DNASE1L2: variants seen among roughly 807,000 people sequenced by gnomAD.
DNASE1L2 encodes the protein deoxyribonuclease 1 like 2.
Under a neutral mutation model 31.8 loss-of-function variants are expected in DNASE1L2, and 35 were observed. The observed-to-expected ratio is 1.10, with a 90% CI of 0.84 to 1.46. The LOEUF is 1.46. DNASE1L2 is among the 40% of genes most tolerant of loss of function. The pLI is 0.00. For synonymous variants in DNASE1L2, 211 were observed against 186.5 expected (o/e 1.13, Z -1.07); for missense variants, 504 against 418.8 (o/e 1.20, Z -1.77).
At chr16:2,236,984 C>A (rs761800411) in intron 2 of DNASE1L2, 24 bp downstream of exon 2, 2 of 1,547,396 alleles carry the variant, frequency 1.3e-6, no homozygotes, top group Admixed American at 2.0e-5. Flanking sequence ...CGGGGCGGGG[C>A]GGCGTTTAGG....
chr16:2,238,230 C>T (rs2093518861), intron 6 of DNASE1L2, 132 bp from the exon 7 acceptor site: 1 of 1,437,734 alleles, frequency 7.0e-7, no homozygotes, highest in East Asian at 2.3e-5. Context: ...CCAGTGGTGA[C>T]ACCCTCTGCC....
chr16:2,237,375 G>C lies in DNASE1L2; in HGVS notation c.318-1G>C. 1 of 1,602,844 alleles carries C rather than the reference G, an allele frequency of 6.2e-7. No homozygotes were observed. The highest frequency in any genetic ancestry group is 8.5e-7 in the Non-Finnish European group (1 of 1,176,726). ...CTCAGCGGGTCCTCCCCATCTCCTA[G>C]GAAAGACGCGGTGTCGGTCGTGGAC... On this transcript the variant is annotated splice_acceptor_variant, in intron 4 of 6. Transcript: ENST00000320700. LOFTEE classifies it high-confidence loss of function.
rs113649928 is a variant in DNASE1L2 at position 2,236,518 on chromosome 16, C to T, written c.-82C>T. Reference sequence around the variant, plus strand: ...CAGCCTGGACCCGGGATCCCCATCCCCCTAGGATCTCTGAGCCTCGGGCCT... The same window carrying T: ...CAGCCTGGACCCGGGATCCCCATCCTCCTAGGATCTCTGAGCCTCGGGCCT... On this transcript the variant is annotated 5_prime_UTR_variant, in exon 1 of 7. Transcript: ENST00000320700. The T allele has an allele frequency of 3.3e-5, 40 of 1,205,596 alleles. No homozygotes were observed. In the African/African-American group the frequency reaches 5.0e-4, roughly 15 times the overall value. 74.7% of individuals were successfully genotyped at this position (1,205,596 alleles called of 1,614,324 possible).
chr16:2,238,329 A>G (rs749252182), intron 6 of DNASE1L2, 33 bp from the exon 7 acceptor site: 1 of 1,612,640 alleles, frequency 6.2e-7, no homozygotes, highest in Non-Finnish European at 8.5e-7. Flanking sequence ...GGTGGGGTGC[A>G]CTTTTCCCCT....
At chr16:2,236,749 T>A (rs867027358) in intron 1 of DNASE1L2, 29 bp from the exon 2 acceptor site, 8 of 1,483,894 alleles carry the variant, frequency 5.4e-6, no homozygotes, top group Middle Eastern at 2.5e-4. Flanking sequence ...AAGGGGTGGG[T>A]CGGTGGGTCT....
chr16:2,237,252 C>G lies in DNASE1L2; in HGVS notation c.268C>G (p.Gln90Glu), dbSNP rs2141486223. ...SEHEYSFVSS[Q>E]PLGRDQYKEM... ...GCACGAGTACAGCTTTGTGAGCAGCCAGCCCCTGGGCCGGGACCAGTACAA... is the reference window on the plus strand; with the variant it reads ...GCACGAGTACAGCTTTGTGAGCAGCGAGCCCCTGGGCCGGGACCAGTACAA... Residue 90 changes from glutamine (Q) to glutamate (E), a missense_variant, in exon 4 of 7, where the codon CAG (glutamine) becomes GAG (glutamate). By Grantham distance (29) the Gln-to-Glu change is conservative. Coordinates refer to ENST00000320700, the MANE Select transcript of DNASE1L2 (RefSeq NM_001374.3). 6.3e-7 allele frequency: 1 copy of G among 1,586,588 alleles called. No homozygotes were observed. The highest frequency in any genetic ancestry group is 2.3e-5 in the East Asian group (1 of 43,778).
Position 2,237,969 on chromosome 16 carries a change from C to A in DNASE1L2, c.794C>A (p.Ser265Ter). The change falls in exon 6 of 7, where the codon TCG becomes TAG. Residue 265 changes from serine (S) to a stop codon, truncating the protein, a stop_gained. Coordinates refer to ENST00000320700, the MANE Select transcript of DNASE1L2 (RefSeq NM_001374.3). LOFTEE classifies it high-confidence loss of function. Reference sequence around the variant, plus strand: ...CTGCGCCGGAGCCTGAAGCCCCAGTCGGCCACCGTGCACGACTTCCAGGAG... The same window carrying A: ...CTGCGCCGGAGCCTGAAGCCCCAGTAGGCCACCGTGCACGACTTCCAGGAG... ...ARLRRSLKPQ[S>*]ATVHDFQEEF... 6.2e-7 allele frequency: 1 copy of A among 1,608,816 alleles called. No individual in the cohort carries two copies. The highest frequency in any genetic ancestry group is 1.1e-5 in the South Asian group (1 of 90,500).
chr16:2,236,756 G>C, intron 1 of DNASE1L2, 22 bp from the exon 2 acceptor site: 1 of 1,504,252 alleles, frequency 6.6e-7, no homozygotes, highest in Non-Finnish European at 8.8e-7. Flanking sequence ...GGGTCGGTGG[G>C]TCTGACAGCG....
rs1275387330 is a variant in DNASE1L2, at chr16:2,237,660, C to T, written c.591+11C>T. 6.3e-7 allele frequency: 1 copy of T among 1,592,970 alleles called. No individual in the cohort carries two copies. Among genetic ancestry groups the T allele is most frequent in the Non-Finnish European group, 8.6e-7 (1 of 1,166,860 alleles). On this transcript the variant is annotated intron_variant, in intron 5 of 6. Transcript: ENST00000320700. ...AAGTGGGGCACCGACGTAAGCCCAC[C>T]CCTCGGTCCCGGGGTCCCTGCAGGC...
At position 2,236,955 on chromosome 16, in the gene DNASE1L2, G is replaced by T. The variant is rs1309455051; in HGVS notation, c.139G>T (p.Ala47Ser). ...VSDPACGSII[A>S]KILAGYDLAL... The stretch of plus-strand genomic sequence containing the variant: ...GGACCCCGCTTGCGGCAGCATCATC[G>T]CGAAGGTGGGGCCCGGGCCGGGGCG... The change falls in exon 2 of 7, where the codon GCG becomes TCG. Residue 47 changes from alanine (A) to serine (S), a missense_variant. Physicochemically the swap from Ala to Ser is moderately conservative, Grantham distance 99. Coordinates refer to ENST00000320700, the MANE Select transcript of DNASE1L2 (RefSeq NM_001374.3). 2 of 1,561,294 alleles carry T rather than the reference G, an allele frequency of 1.3e-6. No homozygotes were observed. Among genetic ancestry groups the T allele is most frequent in the African/African-American group, 2.7e-5 (2 of 73,964 alleles).
In DNASE1L2 at chr16:2,236,569, C is replaced by T. The variant is rs935862691; in HGVS notation, c.-40+9C>T. On this transcript the variant is annotated intron_variant, in intron 1 of 6. Coordinates refer to ENST00000320700, the MANE Select transcript of DNASE1L2 (RefSeq NM_001374.3). ...CTGCACCCACATCCAAGGTGAGTCT[C>T]TCGGCTGCCCTGAGCTGGGGCTGGA... 44 of 1,282,932 alleles carry T rather than the reference C, an allele frequency of 3.4e-5. No individual in the cohort carries two copies. The highest frequency in any genetic ancestry group is 1.5e-4 in the Admixed American group (4 of 25,950). 79.5% of individuals were successfully genotyped at this position (1,282,932 alleles called of 1,614,324 possible).
chr16:2,236,828 C>A lies in DNASE1L2; in HGVS notation c.12C>A (p.Pro4=). Residue 4 remains proline, a synonymous_variant, in exon 2 of 7, where the codon CCC becomes CCA. Coordinates refer to ENST00000320700, the MANE Select transcript of DNASE1L2 (RefSeq NM_001374.3). MGG[P]RALLAALWAL... is the part of the protein sequence containing the mutation. ...TCTCGCTCCGCGCCATGGGCGGGCC[C>A]CGGGCTCTGCTGGCCGCACTCTGGG... 6.3e-7 allele frequency: 1 copy of A among 1,597,730 alleles called. No individual in the cohort carries two copies. Among genetic ancestry groups the A allele is most frequent in the Non-Finnish European group, 8.5e-7 (1 of 1,174,612 alleles).
At position 2,238,385 on chromosome 16, in the gene DNASE1L2, T is replaced by C; in HGVS notation, c.867T>C (p.Phe289=). 1 of 1,613,496 alleles carries C rather than the reference T, an allele frequency of 6.2e-7. No individual in the cohort carries two copies. The highest frequency in any genetic ancestry group is 8.5e-7 in the Non-Finnish European group (1 of 1,179,988). ...QTQALAISDH[F]PVEVTLKFHR ...AGGCTCTTGCCATCAGCGACCACTTTCCAGTGGAGGTGACCCTCAAGTTCC... is the reference window on the plus strand; with the variant it reads ...AGGCTCTTGCCATCAGCGACCACTTCCCAGTGGAGGTGACCCTCAAGTTCC... The change falls in exon 7 of 7, where the codon TTT becomes TTC. Residue 289 remains phenylalanine, a synonymous_variant. Coordinates refer to ENST00000320700, the MANE Select transcript of DNASE1L2 (RefSeq NM_001374.3).
In DNASE1L2 at chr16:2,238,648, T is replaced by G. The variant is rs1434051272; in HGVS notation, c.*230T>G. 5.1e-6 allele frequency: 3 copies of G among 592,848 alleles called. No individual in the cohort carries two copies. The highest frequency in any genetic ancestry group is 1.9e-5 in the African/African-American group (1 of 53,630). 36.7% of individuals were successfully genotyped at this position (592,848 alleles called of 1,614,324 possible). A position where few individuals can be genotyped will look rare whatever the true frequency, so the allele number is the denominator to read the frequency against. On this transcript the variant is annotated 3_prime_UTR_variant, in exon 7 of 7. Transcript: ENST00000320700. ...GGGGTGTTGTGAGCCCCATGAGGGGTGCAGGGGGCACTGCCCGGCAGATGT... is the reference window on the plus strand; with the variant it reads ...GGGGTGTTGTGAGCCCCATGAGGGGGGCAGGGGGCACTGCCCGGCAGATGT...
In DNASE1L2 at chr16:2,237,646, C is replaced by G; in HGVS notation, c.588C>G (p.Thr196=). The change falls in exon 5 of 7, where the codon ACC becomes ACG. Residue 196 remains threonine (T), a synonymous_variant. Coordinates refer to ENST00000320700, the MANE Select transcript of DNASE1L2 (RefSeq NM_001374.3). ...TGGACGTGATCGACAAGTGGGGCAC[C>G]GACGTAAGCCCACCCCTCGGTCCCG... ...VYLDVIDKWG[T]DDMLFLGDFN... 6.3e-7 allele frequency: 1 copy of G among 1,597,560 alleles called. No homozygotes were observed. The highest frequency in any genetic ancestry group is 8.6e-7 in the Non-Finnish European group (1 of 1,169,252).
Position 2,236,736 on chromosome 16 carries a change from G to A in DNASE1L2, c.-39-42G>A, listed in dbSNP as rs1013099139. On this transcript the variant is annotated intron_variant, in intron 1 of 6. Transcript: ENST00000320700. ...CTGGCCGTCAAGGGGCGGCCGCGGA[G>A]GGAAGGGGTGGGTCGGTGGGTCTGA... 1.8e-5 allele frequency: 26 copies of A among 1,460,202 alleles called. No homozygotes were observed. The African/African-American group carries it at 3.0e-4, about 17-fold the overall frequency. The allele number at this position is 1,460,202 out of a possible 1,614,324, so 90.5% of individuals were successfully genotyped here.
At chr16:2,237,733 C>A (rs757513865) in intron 5 of DNASE1L2, 34 bp from the exon 6 acceptor site, 8 of 1,594,906 alleles carry the variant, frequency 5.0e-6, no homozygotes, top group Admixed American at 1.7e-5. Context: ...ACGGCTCCTG[C>A]GGCGGCTCAG....
rs753055237 is a variant in DNASE1L2 at position 2,237,245 on chromosome 16, G to A, written c.261G>A (p.Val87=). The change falls in exon 4 of 7, where the codon GTG becomes GTA. Residue 87 remains valine (V), a synonymous_variant. Coordinates refer to ENST00000320700, the MANE Select transcript of DNASE1L2 (RefSeq NM_001374.3). The part of the protein sequence containing the change: ...NSVSEHEYSF[V]SSQPLGRDQY... ...TGTCCGAGCACGAGTACAGCTTTGT[G>A]AGCAGCCAGCCCCTGGGCCGGGACC... 2 of 1,584,376 alleles carry A rather than the reference G, an allele frequency of 1.3e-6. No individual in the cohort carries two copies. The highest frequency in any genetic ancestry group is 3.6e-5 in the Admixed American group (2 of 54,962).
chr16:2,237,332 G>C (rs1567309076), intron 4 of DNASE1L2, 31 bp downstream of exon 4: 1 of 1,593,150 alleles, frequency 6.3e-7, no homozygotes, highest in Admixed American at 1.7e-5. Context: ...AGGGGCGCGC[G>C]GGGCCGCAGG....
Sources: gnomAD v4.1 joint callset for allele counts on GRCh38, gnomAD v4.1.1 for gene constraint, MANE v1.5 for transcripts, NCBI Gene and HGNC (gene_info 2026-07-23, HGNC 2026-07-21) for gene names.